The following VPS13B variants were observed in gnomAD, a reference collection of about 807,000 sequenced individuals.
The protein encoded by VPS13B is vacuolar protein sorting 13 homolog B.
A neutral mutation model predicts 426.4 loss-of-function variants in VPS13B; 285 were observed. That is an observed-to-expected ratio of 0.67 (90% CI 0.61 to 0.74). The LOEUF (loss-of-function observed/expected upper bound fraction) is 0.74, where lower values mean the gene tolerates loss of function less well. VPS13B is among the 30% of genes least tolerant of loss of function. VPS13B has a pLI of 0.00. For missense variants in VPS13B, 4,537 were observed against 4,782.6 expected, an observed-to-expected ratio of 0.95 and a Z score of 1.51; for synonymous variants, 1,676 against 1,676.4, an observed-to-expected ratio of 1.00 and a Z score of 0.01.
At chr8:99,398,395 A>G (rs1814856438) in intron 21 of VPS13B, among the ~76,000 whole-genome samples, 1 of 152,372 alleles carries the variant, frequency 6.6e-6, no homozygotes, top group South Asian at 2.1e-4. Flanking sequence ...AAGAAGGTGC[A>G]TGACATGCTG....
At chr8:99,777,843 C>G (rs999971246) in intron 41 of VPS13B, among the ~76,000 whole-genome samples, 1 of 152,162 alleles carries the variant, frequency 6.6e-6, no homozygotes, top group Non-Finnish European at 1.5e-5. Context: ...TCAATATGCT[C>G]TGTACCAAAC....
intron 13 of VPS13B, among the ~76,000 whole-genome samples, chr8:99,146,307 G>T (rs1282242984): frequency 1.3e-5 from 2 of 152,052 alleles, no homozygotes; most frequent in Non-Finnish European, 2.9e-5. Flanking sequence ...TTATTGAACT[G>T]GTTTTTTACC....
intron 19 of VPS13B, among the ~76,000 whole-genome samples, chr8:99,374,263 TG>T (rs1307349296): frequency 6.6e-6 from 1 of 151,842 alleles, no homozygotes; most frequent in Non-Finnish European, 1.5e-5. Flanking sequence ...TTATTCTTCT[TG>T]GGGTTTGCTG....
At chr8:99,061,296 C>CTTTTTTTTTTTTTTTTTTT (rs36037937) in intron 3 of VPS13B, among the ~76,000 whole-genome samples, 3 of 112,944 alleles carry the variant, frequency 2.7e-5, no homozygotes, top group Non-Finnish European at 3.5e-5. Flanking sequence ...TGCTAATTTT[C>CTTTTTTTTTTTTTTTTTTT]TTTTTTTTTT....
chr8:99,590,450 C>G (rs1289705194), intron 33 of VPS13B, among the ~76,000 whole-genome samples: 3 of 152,140 alleles, frequency 2.0e-5, no homozygotes, highest in Non-Finnish European at 1.5e-5. Context: ...TTAGATCTTT[C>G]CTGATTTCTC....
intron 19 of VPS13B, among the ~76,000 whole-genome samples, chr8:99,372,737 A>T (rs552191250): frequency 6.6e-6 from 1 of 152,246 alleles, no homozygotes; most frequent in Non-Finnish European, 1.5e-5. Context: ...TAGTTCAACC[A>T]TCATGGACGA....
At chr8:99,456,490 A>C (rs2133475891) in intron 23 of VPS13B, among the ~76,000 whole-genome samples, 1 of 152,248 alleles carries the variant, frequency 6.6e-6, no homozygotes, top group Non-Finnish European at 1.5e-5. Context: ...CCTTTTAAAA[A>C]ATCATGAATT....
chr8:99,835,713 T>C lies in VPS13B; in HGVS notation c.9917T>C (p.Ile3306Thr), dbSNP rs139575184. 1.7e-5 allele frequency: 28 copies of C among 1,614,164 alleles called. No homozygotes were observed. The East Asian group carries it at 4.7e-4, about 27-fold the overall frequency. Residue 3306 changes from isoleucine (I) to threonine (T), a missense_variant, in exon 54 of 62, where the codon ATT becomes ACT. Physicochemically the swap from Ile to Thr is moderately conservative, Grantham distance 89. Coordinates refer to ENST00000357162, the MANE Select transcript of VPS13B (RefSeq NM_152564.5). ...GTAACAACTGAGTGGAGTGATGCCA[T>C]TGACATCAACAGTCAGGGAACACAG... is the stretch of plus-strand genomic sequence containing the variant. The part of the protein sequence containing the change: ...DEVTTEWSDA[I>T]DINSQGTQVV...
At chr8:99,803,478 C>T (rs1433184209) in intron 43 of VPS13B, among the ~76,000 whole-genome samples, 1 of 152,146 alleles carries the variant, frequency 6.6e-6, no homozygotes, top group South Asian at 2.1e-4. Context: ...CCTACCAAAA[C>T]AAACTACATC....
chr8:99,100,281 G>T (rs1256283314), intron 4 of VPS13B, among the ~76,000 whole-genome samples: 1 of 151,698 alleles, frequency 6.6e-6, no homozygotes, highest in Admixed American at 6.6e-5. Flanking sequence ...AATACAAAAT[G>T]GAAAGAAAAA....
chr8:99,259,981 A>G (rs1329650423), intron 17 of VPS13B, among the ~76,000 whole-genome samples: 2 of 152,062 alleles, frequency 1.3e-5, no homozygotes, highest in Non-Finnish European at 2.9e-5. Flanking sequence ...AAATAATTGA[A>G]GAAGTAAAAG....
chr8:99,507,686 T>TA, intron 28 of VPS13B: 1 of 1,587,414 alleles, frequency 6.3e-7, no homozygotes. Context: ...GAGGAGAATT[T>TA]AAAACTATCC....
intron 5 of VPS13B, among the ~76,000 whole-genome samples, chr8:99,108,317 C>A (rs1847162571): frequency 6.6e-6 from 1 of 152,122 alleles, no homozygotes; most frequent in Non-Finnish European, 1.5e-5. Context: ...TACACATGTG[C>A]GTGTCTTTAT....
intron 33 of VPS13B, among the ~76,000 whole-genome samples, chr8:99,581,030 C>CAA (rs1554854840): frequency 1.4e-5 from 2 of 144,952 alleles, no homozygotes; most frequent in Admixed American, 6.9e-5. Context: ...CACACACACA[C>CAA]AAATTAGGCA....
intron 35 of VPS13B, among the ~76,000 whole-genome samples, chr8:99,665,017 G>C (rs1440082132): frequency 6.6e-6 from 1 of 152,152 alleles, no homozygotes; most frequent in Non-Finnish European, 1.5e-5. Context: ...ATTCTAACTG[G>C]TGTGGGATGG....
intron 33 of VPS13B, among the ~76,000 whole-genome samples, chr8:99,609,961 G>A (rs751739189): frequency 3.9e-4 from 60 of 152,090 alleles, no homozygotes; most frequent in Admixed American, 3.1e-3. Context: ...GATGTTAAAC[G>A]GTCCTTAATA....
chr8:99,249,925 TGG>T (rs958309990), intron 17 of VPS13B, among the ~76,000 whole-genome samples: 1 of 150,796 alleles, frequency 6.6e-6, no homozygotes, highest in South Asian at 2.1e-4. Flanking sequence ...TTGGGGGTGG[TGG>T]GGGAGAAACT....
chr8:99,539,058 T>A (rs147678823), intron 30 of VPS13B, among the ~76,000 whole-genome samples: 49 of 152,312 alleles, frequency 3.2e-4, no homozygotes, highest in African/African-American at 1.2e-3. Context: ...GTTTTATAAA[T>A]TAAGCTATTG....
chr8:99,188,452 C>A (rs1303231090), intron 16 of VPS13B, among the ~76,000 whole-genome samples: 1 of 152,002 alleles, frequency 6.6e-6, no homozygotes, highest in East Asian at 1.9e-4. Flanking sequence ...TTGTATGGAT[C>A]GAATACATTT....
Sources: allele counts gnomAD v4.1 joint callset (sites outside exome capture counted in the v4.1 genomes callset), GRCh38; gene constraint gnomAD v4.1.1; transcripts MANE v1.5; gene names NCBI Gene and HGNC (gene_info 2026-07-23, HGNC 2026-07-21).